SLC39A14: variants seen among roughly 807,000 people sequenced by gnomAD.
SLC39A14 encodes metal cation symporter ZIP14.
A neutral mutation model predicts 45.5 loss-of-function variants in SLC39A14; 19 were observed. That is an observed-to-expected ratio of 0.42 (90% CI 0.29 to 0.61). The LOEUF is 0.61. Ranked by LOEUF, SLC39A14 falls within the 20% of genes least tolerant of loss-of-function variation. The pLI, the probability that SLC39A14 is intolerant of heterozygous loss-of-function variation, is 0.22. For synonymous variants in SLC39A14, 264 were observed against 251.3 expected, an observed-to-expected ratio of 1.05 and a Z score of -0.48; for missense variants, 447 against 616.5, an observed-to-expected ratio of 0.73 and a Z score of 2.91.
intron 1 of SLC39A14, among the ~76,000 whole-genome samples, chr8:22,370,363 C>T (rs148417180): frequency 1.1e-4 from 16 of 152,228 alleles, no homozygotes; most frequent in Admixed American, 6.5e-4. Flanking sequence ...ATAGATTGTG[C>T]GTGCCTGGGA....
intron 8 of SLC39A14, among the ~76,000 whole-genome samples, chr8:22,429,359 C>G (rs1198789877): frequency 6.6e-6 from 1 of 152,196 alleles, no homozygotes; most frequent in African/African-American, 2.4e-5. Context: ...TCTGTGTGAT[C>G]TCTAACATGT....
chr8:22,404,187 G>A (rs1322844855), intron 1 of SLC39A14, among the ~76,000 whole-genome samples: 1 of 152,194 alleles, frequency 6.6e-6, no homozygotes, highest in East Asian at 1.9e-4. Context: ...ACTTTGGGGG[G>A]CCGAGGTGGG....
intron 1 of SLC39A14, among the ~76,000 whole-genome samples, chr8:22,377,891 C>T (rs1833298833): frequency 6.6e-6 from 1 of 152,204 alleles, no homozygotes; most frequent in Admixed American, 6.5e-5. Context: ...CTGCTGAATA[C>T]CCCATTTGGA....
At chr8:22,383,408 T>C (rs1833619678) in intron 1 of SLC39A14, among the ~76,000 whole-genome samples, 1 of 152,160 alleles carries the variant, frequency 6.6e-6, no homozygotes, top group African/African-American at 2.4e-5. Flanking sequence ...CTGGACCAGC[T>C]ATATTGTTTC....
At chr8:22,426,358 C>G (rs923030447), downstream of SLC39A14, among the ~76,000 whole-genome samples, 9 of 152,028 alleles carry the variant, frequency 5.9e-5, no homozygotes, top group Non-Finnish European at 1.3e-4. Flanking sequence ...CCACACCTGG[C>G]TAATTTTGAT....
intron 1 of SLC39A14, among the ~76,000 whole-genome samples, chr8:22,404,288 T>C (rs1387553409): frequency 6.6e-6 from 1 of 151,888 alleles, no homozygotes; most frequent in African/African-American, 2.4e-5. Context: ...TAGTTGGGTG[T>C]GGTGGCGGGC....
At position 22,420,529 on chromosome 8, in the gene SLC39A14, C is replaced by T. The variant is rs1836167010; in HGVS notation, c.*831C>T. ...GATTTTGACCTCCTCTTCCCCACTG[C>T]CATCTTCTAAGAGACTTTGTAGCTG... On this transcript the variant is annotated 3_prime_UTR_variant, in exon 9 of 9. Coordinates refer to ENST00000381237, the MANE Select transcript of SLC39A14 (RefSeq NM_001128431.4). 2 of 985,318 alleles carry T rather than the reference C, an allele frequency of 2.0e-6. No homozygotes were observed. The highest frequency in any genetic ancestry group is 6.2e-5 in the Admixed American group (1 of 16,252). The allele number at this position is 985,318 out of a possible 1,614,324, so 61.0% of individuals were successfully genotyped here.
intron 1 of SLC39A14, among the ~76,000 whole-genome samples, chr8:22,368,996 A>G (rs949540893): frequency 1.6e-4 from 25 of 152,134 alleles, no homozygotes; most frequent in African/African-American, 4.3e-4. Context: ...GTAAAGCAAG[A>G]GAAGGGATGT....
chr8:22,399,800 TGAGTGCCA>T (rs1438438652), intron 1 of SLC39A14, among the ~76,000 whole-genome samples: 2 of 152,216 alleles, frequency 1.3e-5, no homozygotes, highest in African/African-American at 2.4e-5. Context: ...CACCTCTAGG[TGAGTGCCA>T]GCCAGGCAAA....
intron 1 of SLC39A14, among the ~76,000 whole-genome samples, chr8:22,375,812 C>G (rs942028644): frequency 3.3e-5 from 5 of 152,066 alleles, no homozygotes; most frequent in African/African-American, 1.2e-4. Flanking sequence ...GTTTGCTTAA[C>G]CATTTCCTTT....
At position 22,410,031 on chromosome 8, in the gene SLC39A14, G is replaced by A. The variant is rs752678004; in HGVS notation, c.457+1535G>A. The A allele has an allele frequency of 1.2e-5, 19 of 1,614,014 alleles. No homozygotes were observed. The South Asian group carries it at 1.3e-4, about 11-fold the overall frequency. On this transcript the variant is annotated intron_variant, in intron 3 of 8. Coordinates refer to ENST00000381237, the MANE Select transcript of SLC39A14 (RefSeq NM_001128431.4). ...TCGTCCTGCCCTGCACAGAGAAAGC[G>A]TTTTTCAGCCGTGTGCTCACTTACT...
intron 1 of SLC39A14, among the ~76,000 whole-genome samples, chr8:22,384,754 A>C (rs1833696987): frequency 6.8e-6 from 1 of 147,244 alleles, no homozygotes. Context: ...TAAAAAAAAA[A>C]AAAAAAAAAT....
chr8:22,397,752 T>C (rs555184438), intron 1 of SLC39A14, among the ~76,000 whole-genome samples: 36 of 152,178 alleles, frequency 2.4e-4, no homozygotes, highest in Non-Finnish European at 2.8e-4. Flanking sequence ...CCTTGAGCCA[T>C]GGTTATCTGC....
intron 1 of SLC39A14, among the ~76,000 whole-genome samples, chr8:22,378,879 T>A (rs755222674): frequency 6.6e-6 from 1 of 152,188 alleles, no homozygotes; most frequent in Non-Finnish European, 1.5e-5. Context: ...GGCACCAAAG[T>A]ATTTACCTGT....
intron 1 of SLC39A14, among the ~76,000 whole-genome samples, chr8:22,396,062 C>T (rs949283106): frequency 2.4e-4 from 36 of 151,972 alleles, no homozygotes; most frequent in African/African-American, 8.7e-4. Context: ...TATTCCTTTT[C>T]CGTTAGAAGA....
intron 1 of SLC39A14, among the ~76,000 whole-genome samples, chr8:22,384,004 T>C (rs1231523903): frequency 6.6e-6 from 1 of 152,092 alleles, no homozygotes; most frequent in Non-Finnish European, 1.5e-5. Context: ...AAATTCCATG[T>C]CTCAGTTCCT....
At chr8:22,368,501 ATT>A (rs1418832396) in intron 1 of SLC39A14, among the ~76,000 whole-genome samples, 1 of 86,852 alleles carries the variant, frequency 1.2e-5, no homozygotes, top group African/African-American at 6.1e-5. Context: ...ATTTTATTTT[ATT>A]TTATTTTATT....
downstream of SLC39A14, among the ~76,000 whole-genome samples, chr8:22,426,882 G>A (rs1836395787): frequency 1.3e-5 from 2 of 151,884 alleles, no homozygotes; most frequent in South Asian, 2.1e-4. Flanking sequence ...TGGGGTTTTC[G>A]CCATATTGGC....
At chr8:22,383,866 C>G (rs529279704) in intron 1 of SLC39A14, among the ~76,000 whole-genome samples, 23 of 152,280 alleles carry the variant, frequency 1.5e-4, no homozygotes, top group African/African-American at 5.3e-4. Context: ...GGGTAATTCT[C>G]AGGATACCAG....
Sources: gnomAD v4.1 joint callset for allele counts (sites outside exome capture counted in the v4.1 genomes callset) on GRCh38, gnomAD v4.1.1 for gene constraint, MANE v1.5 for transcripts, NCBI Gene and HGNC (gene_info 2026-07-23, HGNC 2026-07-21) for gene names.